GCSAML: variants seen among roughly 807,000 people sequenced by gnomAD.
GCSAML encodes germinal center-associated signaling and motility-like protein.
Under a neutral mutation model 13.0 loss-of-function variants are expected in GCSAML, and 9 were observed. The observed-to-expected ratio is 0.69, with a 90% confidence interval of 0.42 to 1.21. The LOEUF (loss-of-function observed/expected upper bound fraction) is 1.21. Among genes scored for constraint, GCSAML ranks in the 50% most tolerant of loss-of-function variants. The pLI, the probability that GCSAML is intolerant of heterozygous loss-of-function variation, is 0.00. For synonymous variants in GCSAML, 37 were observed against 52.9 expected (o/e 0.70, Z 1.31); for missense variants, 143 against 153.4 (o/e 0.93, Z 0.36).
chr1:247,539,704 A>G (rs1238802591), intron 2 of GCSAML, among the ~76,000 whole-genome samples: 1 of 151,998 alleles, frequency 6.6e-6, no homozygotes, highest in Non-Finnish European at 1.5e-5. Flanking sequence ...TCTGTTCCTC[A>G]CATATAATCT....
intron 2 of GCSAML, among the ~76,000 whole-genome samples, chr1:247,561,458 A>C (rs1668126032): frequency 6.6e-6 from 1 of 152,010 alleles, no homozygotes; most frequent in Non-Finnish European, 1.5e-5. Flanking sequence ...ATTAACTATA[A>C]TTTTCCTCAC....
Position 247,531,809 on chromosome 1 carries a change from G to A in GCSAML, c.-148+4755G>A, listed in dbSNP as rs141524952. On this transcript the variant is annotated intron_variant, in intron 2 of 5. Coordinates refer to the GCSAML transcript ENST00000366489. ...GAACAGGTGTTGAATGCCTTTCTCC[G>A]CCCTTCTGCTGACCTGATCTTCAAC... is the stretch of plus-strand genomic sequence containing the variant. The A allele has an allele frequency of 1.9e-4, 306 of 1,614,138 alleles. 2 individuals are homozygous for A. The Admixed American group carries it at 3.5e-3, about 18-fold the overall frequency.
chr1:247,535,856 A>G (rs1436107822), intron 2 of GCSAML, among the ~76,000 whole-genome samples: 1 of 152,248 alleles, frequency 6.6e-6, no homozygotes, highest in Non-Finnish European at 1.5e-5. Context: ...TGTCACAATT[A>G]AAAACTCACT....
chr1:247,525,179 A>G (rs1053182491), intron 1 of GCSAML: 1 of 152,224 alleles, frequency 6.6e-6, no homozygotes, highest in Admixed American at 6.5e-5. Flanking sequence ...CTCTCACTCA[A>G]CAATCAACAC....
intron 3 of GCSAML, among the ~76,000 whole-genome samples, chr1:247,564,951 G>A (rs1668281692): frequency 6.6e-6 from 1 of 152,108 alleles, no homozygotes; most frequent in East Asian, 1.9e-4. Flanking sequence ...CAGAACATAG[G>A]AATGAGCAAA....
At chr1:247,562,933 G>A (rs569359046) in intron 2 of GCSAML, among the ~76,000 whole-genome samples, 3 of 151,786 alleles carry the variant, frequency 2.0e-5, no homozygotes, top group African/African-American at 4.8e-5. Flanking sequence ...TCTGCCTCCC[G>A]GGTTCAAGCA....
intron 1 of GCSAML, among the ~76,000 whole-genome samples, chr1:247,517,324 T>C (rs1036044032): frequency 6.6e-6 from 1 of 152,234 alleles, no homozygotes; most frequent in Non-Finnish European, 1.5e-5. Context: ...GTCTTGTCTC[T>C]TTCCTATCTA....
chr1:247,552,556 G>T (rs996969507), intron 1 of GCSAML, among the ~76,000 whole-genome samples: 1 of 152,214 alleles, frequency 6.6e-6, no homozygotes, highest in Non-Finnish European at 1.5e-5. Flanking sequence ...TCGCCCATGG[G>T]CAGTGTCCAT....
Position 247,574,161 on chromosome 1 carries a change from G to C in GCSAML, c.187G>C (p.Gly63Arg). 5 of 1,613,978 alleles carry C rather than the reference G, an allele frequency of 3.1e-6. No homozygotes were observed. Among genetic ancestry groups the C allele is most frequent in the Non-Finnish European group, 4.2e-6 (5 of 1,179,958 alleles). ...TSNQENENGS[G>R]SEEVCYTVIN... ...TTGGCAGGAAAACGAGAATGGCAGT[G>C]GTTCTGAAGAAGTGTGCTACACTGT... is the stretch of plus-strand genomic sequence containing the variant. The change falls in exon 5 of 5, where the codon GGT becomes CGT. Residue 63 changes from glycine to arginine, a missense_variant. Transcript: ENST00000366488.
intron 2 of GCSAML, among the ~76,000 whole-genome samples, chr1:247,558,799 A>T (rs1327573250): frequency 1.3e-5 from 2 of 152,196 alleles, no homozygotes; most frequent in Non-Finnish European, 2.9e-5. Flanking sequence ...AAATACTATT[A>T]TTGTCTAATA....
intron 2 of GCSAML, chr1:247,528,713 T>C (rs1240150858): frequency 6.6e-6 from 1 of 152,258 alleles, no homozygotes; most frequent in African/African-American, 2.4e-5. Context: ...CACAGAAGTT[T>C]GGATATGCAC....
intron 1 of GCSAML, among the ~76,000 whole-genome samples, chr1:247,550,599 T>G (rs752786307): frequency 6.6e-6 from 1 of 151,982 alleles, no homozygotes; most frequent in African/African-American, 2.4e-5. Flanking sequence ...ATCCCGCCAC[T>G]GCACTCCAGC....
At chr1:247,573,481 G>T (rs1304136934) in intron 4 of GCSAML, among the ~76,000 whole-genome samples, 1 of 152,102 alleles carries the variant, frequency 6.6e-6, no homozygotes, top group Non-Finnish European at 1.5e-5. Flanking sequence ...GTGAGGTGAT[G>T]CCCCACCCTG....
intron 1 of GCSAML, among the ~76,000 whole-genome samples, chr1:247,510,862 CTGTT>C (rs1341460798): frequency 6.6e-5 from 10 of 152,144 alleles, no homozygotes. Flanking sequence ...GTCTGAGAGA[CTGTT>C]TGTTATGATT....
upstream of GCSAML, among the ~76,000 whole-genome samples, chr1:247,546,422 G>T (rs967390507): frequency 6.6e-6 from 1 of 152,006 alleles, no homozygotes; most frequent in African/African-American, 2.4e-5. Flanking sequence ...GCAGTGGCGC[G>T]ATCTCGGCTC....
At chr1:247,511,449 T>C (rs1209831010) in intron 1 of GCSAML, among the ~76,000 whole-genome samples, 1 of 152,196 alleles carries the variant, frequency 6.6e-6, no homozygotes, top group African/African-American at 2.4e-5. Context: ...AGCACACAGA[T>C]GGGTCTTGAC....
At chr1:247,540,605 C>T (rs1042099056) in intron 2 of GCSAML, among the ~76,000 whole-genome samples, 3 of 152,130 alleles carry the variant, frequency 2.0e-5, no homozygotes, top group Non-Finnish European at 4.4e-5. Context: ...AGCATGGGCA[C>T]GAAGATGCAG....
intron 4 of GCSAML, among the ~76,000 whole-genome samples, chr1:247,567,270 A>T (rs1265373570): frequency 1.3e-5 from 2 of 152,056 alleles, no homozygotes; most frequent in South Asian, 4.2e-4. Flanking sequence ...TCAGCCCTTC[A>T]TCTAGGGTTT....
At chr1:247,511,137 T>A (rs990373971) in intron 1 of GCSAML, among the ~76,000 whole-genome samples, 3 of 152,166 alleles carry the variant, frequency 2.0e-5, no homozygotes, top group African/African-American at 7.2e-5. Flanking sequence ...AGTCTCTTAT[T>A]ATTGTGTGGG....
Sources: allele counts gnomAD v4.1 joint callset (sites outside exome capture counted in the v4.1 genomes callset), GRCh38; gene constraint gnomAD v4.1.1; transcripts MANE v1.5; gene names NCBI Gene and HGNC (gene_info 2026-07-23, HGNC 2026-07-21).